RBFOX1: variants seen among roughly 807,000 people sequenced by gnomAD.
RBFOX1 encodes the protein RNA binding protein fox-1 homolog 1.
Under a neutral mutation model 57.7 loss-of-function variants are expected in RBFOX1, and 8 were observed. That is an observed-to-expected ratio of 0.14 (90% CI 0.08 to 0.25). RBFOX1 has a LOEUF of 0.25. Among genes scored for constraint, RBFOX1 ranks in the 10% least tolerant of loss-of-function variants. The probability of loss-of-function intolerance (pLI) is 1.00; values close to 1 mark genes in which losing one functional copy is unlikely to be tolerated. For synonymous variants in RBFOX1, 326 were observed against 222.4 expected (o/e 1.47, Z -4.15); for missense variants, 611 against 548.5 (o/e 1.11, Z -1.14).
Position 7,416,949 on chromosome 16 carries a change from T to C in RBFOX1, c.28-101198T>C, listed in dbSNP as rs530270075. Among the ~76,000 whole-genome samples, 17 of 152,308 alleles carry C rather than the reference T, an allele frequency of 1.1e-4. No individual in the cohort carries two copies. The East Asian group carries it at 3.1e-3, about 28-fold the overall frequency. ...AAAACTGGGGCTTAGAGAAGTAATG[T>C]GTCCAAGAACTCATAGCTGGCAGGT... On this transcript the variant is annotated intron_variant, in intron 4 of 15. Coordinates refer to ENST00000550418, the MANE Select transcript of RBFOX1 (RefSeq NM_018723.4).
At chr16:7,356,141 C>G (rs934779859) in intron 4 of RBFOX1, among the ~76,000 whole-genome samples, 1 of 152,162 alleles carries the variant, frequency 6.6e-6, no homozygotes, top group Non-Finnish European at 1.5e-5. Flanking sequence ...TTCATCCAAT[C>G]CTTTATTCAT....
intron 2 of RBFOX1, among the ~76,000 whole-genome samples, chr16:5,550,545 T>C (rs1046811505): frequency 1.3e-5 from 2 of 152,192 alleles, no homozygotes; most frequent in Non-Finnish European, 2.9e-5. Context: ...CAGACATTGT[T>C]ATTTCAGACC....
At chr16:7,680,274 C>T (rs534342729) in intron 14 of RBFOX1, among the ~76,000 whole-genome samples, 3 of 152,212 alleles carry the variant, frequency 2.0e-5, no homozygotes, top group Admixed American at 1.3e-4. Flanking sequence ...CTGGGAGGTG[C>T]GGAGGGGGTG....
chr16:7,109,787 T>C (rs148816009), intron 4 of RBFOX1, among the ~76,000 whole-genome samples: 190 of 152,248 alleles, frequency 1.2e-3, no homozygotes, highest in African/African-American at 4.5e-3. Context: ...TTCACTCGTT[T>C]GCTGAACAAA....
At chr16:7,246,383 A>T (rs1173595931) in intron 4 of RBFOX1, among the ~76,000 whole-genome samples, 1 of 152,130 alleles carries the variant, frequency 6.6e-6, no homozygotes, top group East Asian at 1.9e-4. Flanking sequence ...GATTGTTCTG[A>T]AGTGATAACC....
At chr16:7,172,885 A>G (rs982592497) in intron 4 of RBFOX1, among the ~76,000 whole-genome samples, 4 of 152,272 alleles carry the variant, frequency 2.6e-5, no homozygotes, top group Non-Finnish European at 5.9e-5. Flanking sequence ...TTTGAAACTG[A>G]CCTGCCATGA....
intron 4 of RBFOX1, among the ~76,000 whole-genome samples, chr16:5,982,988 G>C (rs1195174431): frequency 6.6e-6 from 1 of 152,160 alleles, no homozygotes; most frequent in Non-Finnish European, 1.5e-5. Context: ...CTCCCTCTCT[G>C]CCTCAGTTTC....
intron 3 of RBFOX1, among the ~76,000 whole-genome samples, chr16:5,708,700 C>T (rs1410872287): frequency 6.6e-6 from 1 of 152,088 alleles, no homozygotes; most frequent in Admixed American, 6.6e-5. Context: ...TTGGTTGTTC[C>T]AGTGGTATAT....
In RBFOX1 at chr16:6,611,697, G is replaced by A. The variant is rs75983867; in HGVS notation, c.-63-42906G>A. 5.9e-3 allele frequency among the ~76,000 whole-genome samples: 899 copies of A among 152,220 alleles called. 8 individuals carry two copies. The highest frequency in any genetic ancestry group is 8.4e-3 in the Non-Finnish European group (570 of 68,010). ...AGGATGATTCCGGCTTACCTTGTCCGTGGCTTCTGGATATTTTCACCCAGT... is the reference window on the plus strand; with the variant it reads ...AGGATGATTCCGGCTTACCTTGTCCATGGCTTCTGGATATTTTCACCCAGT... On this transcript the variant is annotated intron_variant, in intron 2 of 15. Coordinates refer to ENST00000550418, the MANE Select transcript of RBFOX1 (RefSeq NM_018723.4).
In RBFOX1 at chr16:5,973,574, G is replaced by C. The variant is rs148198107; in HGVS notation, c.351+106239G>C. Among the ~76,000 whole-genome samples, 14 of 152,286 alleles carry C rather than the reference G, an allele frequency of 9.2e-5. No homozygotes were observed. In the East Asian group the frequency reaches 2.5e-3, roughly 27 times the overall value. On this transcript the variant is annotated intron_variant, in intron 4 of 19. Transcript: ENST00000641259. ...ACTTTTGTTATTGTTAGGTTGCTTTGATGGTTAATTTTGTGTCAGGTTGAC... is the reference window on the plus strand; with the variant it reads ...ACTTTTGTTATTGTTAGGTTGCTTTCATGGTTAATTTTGTGTCAGGTTGAC...
rs2095406272 is a variant in RBFOX1, at chr16:6,483,377, G to T, written c.-64+166320G>T. 12 of 1,519,728 alleles carry T rather than the reference G, an allele frequency of 7.9e-6. No individual in the cohort carries two copies. The South Asian group carries it at 1.3e-4, about 17-fold the overall frequency. The allele number at this position is 1,519,728 out of a possible 1,614,324, so 94.1% of individuals were successfully genotyped here. On this transcript the variant is annotated intron_variant, in intron 2 of 15. Transcript: ENST00000550418. ...GCCCGGGCGAGCGAAGGCGCGCGGCGCGCACGACAGATGACTGGAGTCATT... is the reference window on the plus strand; with the variant it reads ...GCCCGGGCGAGCGAAGGCGCGCGGCTCGCACGACAGATGACTGGAGTCATT...
chr16:5,618,137 C>T (rs150685598), intron 3 of RBFOX1, among the ~76,000 whole-genome samples: 7 of 152,206 alleles, frequency 4.6e-5, no homozygotes, highest in African/African-American at 1.4e-4. Flanking sequence ...GGAAGTCTTC[C>T]CACTGCCCGT....
intron 3 of RBFOX1, among the ~76,000 whole-genome samples, chr16:5,641,072 TACACAC>T (rs538058958): frequency 7.1e-6 from 1 of 141,446 alleles, no homozygotes; most frequent in African/African-American, 2.6e-5. Context: ...ATGCACACCA[TACACAC>T]ACACACATGC....
Position 5,946,114 on chromosome 16 carries a change from A to G in RBFOX1, c.351+78779A>G, listed in dbSNP as rs1335779826. On this transcript the variant is annotated intron_variant, in intron 4 of 19. Transcript: ENST00000641259. This position sits in a 1 kb window ranked among gnomAD's most constrained non-coding sequence, Gnocchi z 4.6. ...ACTTACCCGCTATTCTTGTCTTTTT[A>G]AAAAAGATTTTGTTAATAGACCACC... 6.6e-6 allele frequency among the ~76,000 whole-genome samples: 1 copy of G among 152,186 alleles called. No individual in the cohort carries two copies. The highest frequency in any genetic ancestry group is 6.5e-5 in the Admixed American group (1 of 15,288).
rs374354234 is a variant in RBFOX1 at position 6,796,095 on chromosome 16, C to T, written c.-16+141445C>T. 4.0e-4 allele frequency among the ~76,000 whole-genome samples: 60 copies of T among 149,854 alleles called. 1 individual carries two copies. Among genetic ancestry groups the T allele is most frequent in the African/African-American group, 1.3e-3 (53 of 39,266 alleles). ...GAGGTTTATTAGGCTTACATTTCCA[C>T]GTGGCTGGGGAGGCCTCACAGTCAT... is the stretch of plus-strand genomic sequence containing the variant. On this transcript the variant is annotated intron_variant, in intron 3 of 15. Coordinates refer to ENST00000550418, the MANE Select transcript of RBFOX1 (RefSeq NM_018723.4).
chr16:7,601,794 G>A (rs1018752962), intron 9 of RBFOX1, among the ~76,000 whole-genome samples: 1 of 152,120 alleles, frequency 6.6e-6, no homozygotes, highest in African/African-American at 2.4e-5. Context: ...TCAACTTAAA[G>A]TTACCATTTC....
intron 3 of RBFOX1, among the ~76,000 whole-genome samples, chr16:7,005,442 G>T (rs62016453): frequency 6.6e-6 from 1 of 152,100 alleles, no homozygotes; most frequent in Non-Finnish European, 1.5e-5. Context: ...AAAAGTTTCT[G>T]GGTTATGTCT....
intron 1 of RBFOX1, among the ~76,000 whole-genome samples, chr16:5,441,496 C>G (rs1376295352): frequency 1.3e-5 from 2 of 151,664 alleles, no homozygotes; most frequent in East Asian, 3.9e-4. Context: ...TCCCAAGTAG[C>G]TGGGGTTACA....
At chr16:7,599,922 C>T (rs917279252) in intron 9 of RBFOX1, among the ~76,000 whole-genome samples, 14 of 151,978 alleles carry the variant, frequency 9.2e-5, no homozygotes, top group African/African-American at 3.4e-4. Flanking sequence ...CAGGCATGAG[C>T]CACCACTTCT....
Sources: allele counts gnomAD v4.1 joint callset (sites outside exome capture counted in the v4.1 genomes callset), GRCh38; gene constraint gnomAD v4.1.1; non-coding constraint Gnocchi (gnomAD v3.1); transcripts MANE v1.5; gene names NCBI Gene and HGNC (gene_info 2026-07-23, HGNC 2026-07-21).